The following GRAMD2B variants were observed in gnomAD, a reference collection of about 807,000 sequenced individuals.
GRAMD2B encodes GRAM domain-containing protein 2B.
GRAMD2B carries 41 observed loss-of-function variants against 59.2 expected under a neutral mutation model. The ratio of observed to expected loss-of-function variants is 0.69; its 90% CI spans 0.54 to 0.90. The LOEUF (loss-of-function observed/expected upper bound fraction) is 0.90, where lower values mean the gene tolerates loss of function less well. GRAMD2B is among the 40% of genes least tolerant of loss of function. The pLI, the probability that GRAMD2B is intolerant of heterozygous loss-of-function variation, is 0.00. For synonymous variants in GRAMD2B, 161 were observed against 182.7 expected (o/e 0.88, Z 0.96); for missense variants, 424 against 500.5 (o/e 0.85, Z 1.46).
chr5:126,368,821 G>A (rs529145057), upstream of GRAMD2B, among the ~76,000 whole-genome samples: 6 of 152,306 alleles, frequency 3.9e-5, no homozygotes, highest in Non-Finnish European at 8.8e-5. Flanking sequence ...AACTACGTCA[G>A]TATGCTTCCC....
At chr5:126,405,506 G>A (rs756529442) in intron 1 of GRAMD2B, among the ~76,000 whole-genome samples, 4 of 151,854 alleles carry the variant, frequency 2.6e-5, no homozygotes, top group Non-Finnish European at 5.9e-5. Flanking sequence ...ACAGTGCCTG[G>A]CACAGAGGAA....
chr5:126,481,628 T>C (rs554264099), intron 8 of GRAMD2B, among the ~76,000 whole-genome samples: 32 of 152,070 alleles, frequency 2.1e-4, no homozygotes, highest in Non-Finnish European at 3.5e-4. Context: ...TAATGGATTT[T>C]TTAAATGTGG....
intron 1 of GRAMD2B, among the ~76,000 whole-genome samples, chr5:126,461,478 A>G (rs1436985272): frequency 6.6e-6 from 1 of 152,174 alleles, no homozygotes; most frequent in African/African-American, 2.4e-5. Flanking sequence ...TTTTATTGAA[A>G]CAAGATTGTC....
chr5:126,457,563 G>A (rs185911861), intron 1 of GRAMD2B, among the ~76,000 whole-genome samples: 8 of 151,820 alleles, frequency 5.3e-5, no homozygotes, highest in African/African-American at 1.7e-4. Context: ...CCTGGGAGGC[G>A]GAGGTTGCAG....
intron 6 of GRAMD2B, 75 bp from the exon 7 acceptor site, chr5:126,480,381 A>T: frequency 9.7e-7 from 1 of 1,035,586 alleles, no homozygotes; most frequent in Non-Finnish European, 1.5e-6. Context: ...CTGTATACAG[A>T]TACTTTTCTG....
intron 1 of GRAMD2B, among the ~76,000 whole-genome samples, chr5:126,463,982 C>T (rs961406405): frequency 1.2e-4 from 18 of 151,416 alleles, no homozygotes; most frequent in Non-Finnish European, 2.1e-4. Flanking sequence ...GAGCCGAGAT[C>T]GTGCCACTGC....
At chr5:126,432,795 C>A (rs1761789098) in intron 1 of GRAMD2B, among the ~76,000 whole-genome samples, 1 of 152,164 alleles carries the variant, frequency 6.6e-6, no homozygotes, top group Non-Finnish European at 1.5e-5. Context: ...TAGGTATGTT[C>A]TCGATTTGAT....
intron 1 of GRAMD2B, among the ~76,000 whole-genome samples, chr5:126,428,468 A>G (rs1161174839): frequency 6.6e-6 from 1 of 152,146 alleles, no homozygotes; most frequent in African/African-American, 2.4e-5. Flanking sequence ...AAAGGTTTTG[A>G]AAAAAATATA....
chr5:126,429,353 G>A (rs1348404756), intron 1 of GRAMD2B, among the ~76,000 whole-genome samples: 3 of 152,132 alleles, frequency 2.0e-5, no homozygotes, highest in African/African-American at 7.2e-5. Flanking sequence ...TGGACACACA[G>A]AGGGGAACAA....
chr5:126,398,932 T>C (rs934178656), intron 1 of GRAMD2B, among the ~76,000 whole-genome samples: 2 of 152,216 alleles, frequency 1.3e-5, no homozygotes, highest in Non-Finnish European at 2.9e-5. Context: ...TTATCTCTAG[T>C]TTCATTCCAT....
intron 1 of GRAMD2B, among the ~76,000 whole-genome samples, chr5:126,380,433 G>T (rs138601271): frequency 6.6e-6 from 1 of 151,964 alleles, no homozygotes; most frequent in Non-Finnish European, 1.5e-5. Flanking sequence ...CTAGTTCTGT[G>T]AAGAATGATA....
chr5:126,481,897 G>C (rs1771916419), intron 8 of GRAMD2B, among the ~76,000 whole-genome samples: 1 of 151,846 alleles, frequency 6.6e-6, no homozygotes, highest in East Asian at 1.9e-4. Context: ...GAACCTGGGA[G>C]GTGGAGGTTG....
chr5:126,389,351 T>A (rs1057039315), intron 1 of GRAMD2B, among the ~76,000 whole-genome samples: 1 of 152,224 alleles, frequency 6.6e-6, no homozygotes, highest in Non-Finnish European at 1.5e-5. Context: ...ATTGCTTTAT[T>A]AACCTGGGCA....
At chr5:126,469,574 G>A in intron 2 of GRAMD2B, 103 bp from the exon 3 acceptor site, 2 of 745,326 alleles carry the variant, frequency 2.7e-6, no homozygotes. Context: ...CGGGGAGGTT[G>A]CAGTGAACCG....
chr5:126,413,793 T>A (rs2149762185), intron 1 of GRAMD2B, among the ~76,000 whole-genome samples: 1 of 152,212 alleles, frequency 6.6e-6, no homozygotes, highest in South Asian at 2.1e-4. Context: ...GCTGTGTGGG[T>A]ATATATTCAG....
At chr5:126,401,323 T>C (rs1757817600) in intron 1 of GRAMD2B, among the ~76,000 whole-genome samples, 2 of 152,106 alleles carry the variant, frequency 1.3e-5, no homozygotes, top group African/African-American at 4.8e-5. Flanking sequence ...GTTAAACTTC[T>C]GATTTTGTTC....
At chr5:126,395,980 A>G (rs987695187) in intron 1 of GRAMD2B, among the ~76,000 whole-genome samples, 3 of 152,204 alleles carry the variant, frequency 2.0e-5, no homozygotes, top group African/African-American at 7.2e-5. Flanking sequence ...ACTTAAGTCC[A>G]CTATCTTAGC....
At chr5:126,458,843 C>A (rs940913306) in intron 1 of GRAMD2B, 6 of 152,180 alleles carry the variant, frequency 3.9e-5, no homozygotes, top group African/African-American at 1.4e-4. Flanking sequence ...TCCTGTAGCA[C>A]CTCACTGGAC....
chr5:126,414,426 T>A (rs1422208335), intron 1 of GRAMD2B, among the ~76,000 whole-genome samples: 1 of 152,176 alleles, frequency 6.6e-6, no homozygotes, highest in Non-Finnish European at 1.5e-5. Flanking sequence ...AGTCTGGGAT[T>A]TTAACACACA....
Sources: gnomAD v4.1 joint callset for allele counts (sites outside exome capture counted in the v4.1 genomes callset) on GRCh38, gnomAD v4.1.1 for gene constraint, MANE v1.5 for transcripts, NCBI Gene and HGNC (gene_info 2026-07-23, HGNC 2026-07-21) for gene names.